The following COL8A1 variants were observed in gnomAD, a reference collection of about 807,000 sequenced individuals.
COL8A1 encodes collagen alpha-1(VIII) chain.
A neutral mutation model predicts 42.7 loss-of-function variants in COL8A1; 21 were observed. That is an observed-to-expected ratio of 0.49 (90% CI 0.35 to 0.71). The LOEUF (loss-of-function observed/expected upper bound fraction) is 0.71. Among genes scored for constraint, COL8A1 ranks in the 30% least tolerant of loss-of-function variants. COL8A1 has a pLI of 0.01. For missense variants in COL8A1, 788 were observed against 962.4 expected (o/e 0.82, Z 2.40); for synonymous variants, 367 against 369.1 (o/e 0.99, Z 0.06).
At chr3:99,737,931 AT>A (rs1344426376) in intron 1 of COL8A1, among the ~76,000 whole-genome samples, 2 of 150,652 alleles carry the variant, frequency 1.3e-5, no homozygotes, top group Non-Finnish European at 3.0e-5. Flanking sequence ...ATTTCTTTTT[AT>A]TCTTTTTTCT....
intron 1 of COL8A1, among the ~76,000 whole-genome samples, chr3:99,742,128 T>C (rs1335610840): frequency 6.6e-6 from 1 of 152,208 alleles, no homozygotes; most frequent in Non-Finnish European, 1.5e-5. Flanking sequence ...AGAACAATAA[T>C]TTTTTGATCT....
At chr3:99,675,153 C>T (rs1938655888) in intron 1 of COL8A1, among the ~76,000 whole-genome samples, 1 of 151,824 alleles carries the variant, frequency 6.6e-6, no homozygotes, top group Non-Finnish European at 1.5e-5. Flanking sequence ...TCTCACATAG[C>T]TCCATGTGAA....
chr3:99,788,616 A>G (rs915092511), intron 2 of COL8A1, among the ~76,000 whole-genome samples: 1 of 152,250 alleles, frequency 6.6e-6, no homozygotes, highest in Non-Finnish European at 1.5e-5. Context: ...CAGACATTGA[A>G]TGTTAGAGCT....
At chr3:99,650,694 A>G (rs115295365) in intron 1 of COL8A1, among the ~76,000 whole-genome samples, 1,751 of 152,326 alleles carry the variant, frequency 0.011, 22 homozygotes, top group Non-Finnish European at 0.015. Context: ...TCGGCCTCCC[A>G]AAGTGCTAGG....
intron 1 of COL8A1, among the ~76,000 whole-genome samples, chr3:99,659,273 G>A (rs528058988): frequency 2.6e-5 from 4 of 152,278 alleles, no homozygotes; most frequent in South Asian, 4.1e-4. Context: ...TCATGTGTAC[G>A]TGGAGGAGCC....
chr3:99,641,424 A>G (rs542933546), intron 1 of COL8A1, among the ~76,000 whole-genome samples: 1 of 152,302 alleles, frequency 6.6e-6, no homozygotes, highest in African/African-American at 2.4e-5. Flanking sequence ...GCTTGGTTCT[A>G]ATGATGAAAA....
chr3:99,686,821 A>T (rs1216285905), intron 1 of COL8A1, among the ~76,000 whole-genome samples: 1 of 152,092 alleles, frequency 6.6e-6, no homozygotes, highest in African/African-American at 2.4e-5. Context: ...GACTACAGGC[A>T]CATGCCACCA....
chr3:99,707,940 A>C (rs1453512951), intron 1 of COL8A1, among the ~76,000 whole-genome samples: 1 of 151,924 alleles, frequency 6.6e-6, no homozygotes, highest in African/African-American at 2.4e-5. Context: ...AGGCAGGGAG[A>C]GGTTAGGTGA....
In COL8A1 at chr3:99,722,868, T is replaced by C. The variant is rs372784625; in HGVS notation, c.-128-22029T>C. On this transcript the variant is annotated intron_variant, in intron 1 of 3. Coordinates refer to ENST00000652472, the MANE Select transcript of COL8A1 (RefSeq NM_020351.4). ...ATTATGATTTAATAAATAACGTCGA[T>C]TGGAACTAGAGAAACAGAACACATT... 1.1e-4 allele frequency among the ~76,000 whole-genome samples: 17 copies of C among 152,168 alleles called. 1 individual carries two copies. In the South Asian group the frequency reaches 3.3e-3, roughly 30 times the overall value.
chr3:99,731,273 G>A (rs992847068), intron 1 of COL8A1, among the ~76,000 whole-genome samples: 15 of 152,134 alleles, frequency 9.9e-5, no homozygotes, highest in African/African-American at 3.6e-4. Context: ...AAACCTTTTT[G>A]AGGAAGTGAT....
chr3:99,769,652 G>A (rs1486817902), intron 2 of COL8A1, among the ~76,000 whole-genome samples: 4 of 152,212 alleles, frequency 2.6e-5, no homozygotes, highest in Non-Finnish European at 5.9e-5. Context: ...CAGGCGCGAT[G>A]GCTCACGCCT....
chr3:99,778,130 CT>C (rs1235765152), intron 2 of COL8A1, among the ~76,000 whole-genome samples: 1 of 152,140 alleles, frequency 6.6e-6, no homozygotes, highest in African/African-American at 2.4e-5. Context: ...TAATAAAATG[CT>C]CATCTCCCCT....
intron 1 of COL8A1, chr3:99,679,045 C>T (rs1264087117): frequency 2.0e-5 from 3 of 152,218 alleles, no homozygotes; most frequent in Non-Finnish European, 4.4e-5. Context: ...AACTCGGCAA[C>T]TTCTAGCAGT....
At chr3:99,772,742 G>C (rs937666045) in intron 2 of COL8A1, among the ~76,000 whole-genome samples, 1 of 152,130 alleles carries the variant, frequency 6.6e-6, no homozygotes, top group Non-Finnish European at 1.5e-5. Flanking sequence ...CAGCATGATG[G>C]GGATGCCAAA....
At chr3:99,763,495 C>T (rs993969614) in intron 2 of COL8A1, among the ~76,000 whole-genome samples, 10 of 152,166 alleles carry the variant, frequency 6.6e-5, no homozygotes, top group Non-Finnish European at 1.2e-4. Context: ...GCACTTACTT[C>T]ATGCCGGACA....
At chr3:99,772,180 A>G (rs541763414) in intron 2 of COL8A1, among the ~76,000 whole-genome samples, 11 of 152,342 alleles carry the variant, frequency 7.2e-5, no homozygotes, top group Non-Finnish European at 1.6e-4. Flanking sequence ...CCATGAAAAG[A>G]CATGTAGGAA....
chr3:99,656,152 A>G (rs1455167206), intron 1 of COL8A1, among the ~76,000 whole-genome samples: 1 of 152,252 alleles, frequency 6.6e-6, no homozygotes, highest in African/African-American at 2.4e-5. Flanking sequence ...CCTTAAAGGT[A>G]TAAAATATCA....
chr3:99,692,881 TG>T (rs1216980428), intron 1 of COL8A1, among the ~76,000 whole-genome samples: 1 of 152,226 alleles, frequency 6.6e-6, no homozygotes, highest in East Asian at 1.9e-4. Flanking sequence ...TGCACATGGC[TG>T]GACGCGTGGC....
chr3:99,693,790 A>G (rs1168478240), intron 1 of COL8A1, among the ~76,000 whole-genome samples: 5 of 152,216 alleles, frequency 3.3e-5, no homozygotes, highest in African/African-American at 4.8e-5. Flanking sequence ...AAAGTCTACA[A>G]TAATGTGCAG....
Sources: allele counts gnomAD v4.1 joint callset (sites outside exome capture counted in the v4.1 genomes callset), GRCh38; gene constraint gnomAD v4.1.1; transcripts MANE v1.5; gene names NCBI Gene and HGNC (gene_info 2026-07-23, HGNC 2026-07-21).